AFG1L: variants seen among roughly 807,000 people sequenced by gnomAD.
AFG1L encodes AFG1 like ATPase, also known as AFG1-like ATPase.
Under a neutral mutation model 62.2 loss-of-function variants are expected in AFG1L, and 53 were observed. The observed-to-expected ratio is 0.85, with a 90% CI of 0.68 to 1.07. The LOEUF is 1.07. Among genes scored for constraint, AFG1L ranks in the 50% least tolerant of loss-of-function variants. The probability of loss-of-function intolerance (pLI) is 0.00; values close to 1 mark genes in which losing one functional copy is unlikely to be tolerated. For synonymous variants in AFG1L, 228 were observed against 210.3 expected (o/e 1.08, Z -0.73); for missense variants, 555 against 590.5 (o/e 0.94, Z 0.62).
chr6:108,426,727 A>G (rs954751601), intron 7 of AFG1L, among the ~76,000 whole-genome samples: 4 of 152,156 alleles, frequency 2.6e-5, no homozygotes, highest in Non-Finnish European at 5.9e-5. Context: ...GTAAATTTTC[A>G]TAAGAGTTAA....
intron 7 of AFG1L, among the ~76,000 whole-genome samples, chr6:108,415,758 A>G (rs1242973351): frequency 1.3e-5 from 2 of 152,358 alleles, no homozygotes; most frequent in Admixed American, 6.5e-5. Flanking sequence ...TACACCTTAT[A>G]CAACAATTAA....
intron 6 of AFG1L, among the ~76,000 whole-genome samples, chr6:108,397,215 C>G (rs1781352921): frequency 6.6e-6 from 1 of 152,048 alleles, no homozygotes; most frequent in South Asian, 2.1e-4. Flanking sequence ...GCAATCTCCA[C>G]CTTCTGGGTT....
At chr6:108,414,383 A>G (rs1782262047) in intron 7 of AFG1L, among the ~76,000 whole-genome samples, 1 of 152,212 alleles carries the variant, frequency 6.6e-6, no homozygotes, top group Non-Finnish European at 1.5e-5. Context: ...AACTATTCCA[A>G]TTAATAGAAA....
At chr6:108,313,793 G>T (rs1777495984) in intron 1 of AFG1L, among the ~76,000 whole-genome samples, 1 of 152,120 alleles carries the variant, frequency 6.6e-6, no homozygotes, top group Non-Finnish European at 1.5e-5. Flanking sequence ...GCCTGCTTCG[G>T]CCTCCCAAAT....
At chr6:108,351,556 T>G (rs1418713806) in intron 3 of AFG1L, among the ~76,000 whole-genome samples, 1 of 152,244 alleles carries the variant, frequency 6.6e-6, no homozygotes, top group Non-Finnish European at 1.5e-5. Flanking sequence ...TGCCTTTTAT[T>G]TCTTTTTGCT....
At chr6:108,361,127 AG>A in intron 5 of AFG1L, among the ~76,000 whole-genome samples, 1 of 152,330 alleles carries the variant, frequency 6.6e-6, no homozygotes, top group Non-Finnish European at 1.5e-5. Flanking sequence ...ACCCATGACC[AG>A]GGGGTCCCTC....
intron 6 of AFG1L, among the ~76,000 whole-genome samples, chr6:108,386,514 C>T (rs1220634002): frequency 6.6e-6 from 1 of 151,624 alleles, no homozygotes; most frequent in Non-Finnish European, 1.5e-5. Context: ...AATTTATCAC[C>T]AACAAACTTG....
At chr6:108,458,341 T>C (rs1004831357) in intron 8 of AFG1L, among the ~76,000 whole-genome samples, 5 of 152,150 alleles carry the variant, frequency 3.3e-5, no homozygotes, top group African/African-American at 9.7e-5. Context: ...TTTCATTCTT[T>C]TTTTCTTCCT....
intron 8 of AFG1L, among the ~76,000 whole-genome samples, chr6:108,452,428 A>G (rs1357157122): frequency 1.3e-5 from 2 of 152,046 alleles, no homozygotes; most frequent in African/African-American, 4.8e-5. Flanking sequence ...GCTGAGTCCT[A>G]TAGGTTCTTT....
At chr6:108,395,668 C>T (rs373333593) in intron 6 of AFG1L, among the ~76,000 whole-genome samples, 12 of 151,872 alleles carry the variant, frequency 7.9e-5, no homozygotes, top group African/African-American at 2.4e-4. Context: ...TCCTAAAGTG[C>T]TGGAATTTAC....
chr6:108,352,883 T>C (rs1272116292), intron 3 of AFG1L, among the ~76,000 whole-genome samples: 3 of 152,094 alleles, frequency 2.0e-5, no homozygotes, highest in Non-Finnish European at 4.4e-5. Flanking sequence ...TATTTTTTAT[T>C]TTAAAAAATA....
intron 7 of AFG1L, among the ~76,000 whole-genome samples, chr6:108,414,097 C>T (rs1397660002): frequency 6.6e-6 from 1 of 152,144 alleles, no homozygotes; most frequent in Non-Finnish European, 1.5e-5. Flanking sequence ...GACATCACCA[C>T]CGATCCCACA....
At chr6:108,486,818 C>G (rs1773591906) in intron 10 of AFG1L, among the ~76,000 whole-genome samples, 1 of 152,178 alleles carries the variant, frequency 6.6e-6, no homozygotes, top group African/African-American at 2.4e-5. Context: ...AATTCCTGTG[C>G]CTCAGCCTCC....
Position 108,297,649 on chromosome 6 carries a change from G to A in AFG1L, c.139+2431G>A, listed in dbSNP as rs571394037. ...GGAGTAGGATCACTTGAGCTCAGGA[G>A]TTTGAGACCAGCCTGGGCAACATGG... On this transcript the variant is annotated intron_variant, in intron 1 of 12. Transcript: ENST00000368977. 1.5e-3 allele frequency among the ~76,000 whole-genome samples: 230 copies of A among 151,736 alleles called. 2 individuals carry two copies. Among genetic ancestry groups the A allele is most frequent in the Admixed American group, 4.9e-3 (75 of 15,226 alleles).
chr6:108,524,710 G>A lies in AFG1L; in HGVS notation c.*2285G>A, dbSNP rs923581625. 1 of 152,238 alleles carries A rather than the reference G, an allele frequency of 6.6e-6. No individual in the cohort carries two copies. The highest frequency in any genetic ancestry group is 2.4e-5 in the African/African-American group (1 of 41,450). 9.4% of individuals were successfully genotyped at this position (152,238 alleles called of 1,614,324 possible). ...TGCAGTGGAAGAGGCTCTTTGAGCT[G>A]GGAGAAGGGTTTATGCAGAAAGTGG... On this transcript the variant is annotated 3_prime_UTR_variant, in exon 13 of 13. Transcript: ENST00000368977.
intron 7 of AFG1L, among the ~76,000 whole-genome samples, chr6:108,443,481 A>C (rs56121755): frequency 6.6e-6 from 1 of 152,230 alleles, no homozygotes; most frequent in Admixed American, 6.5e-5. Context: ...TGGAATATCA[A>C]CATCACATTG....
In AFG1L at chr6:108,525,536, A is replaced by T. The variant is rs1775290790; in HGVS notation, c.*3111A>T. 6.6e-6 allele frequency: 1 copy of T among 152,228 alleles called. No homozygotes were observed. Among genetic ancestry groups the T allele is most frequent in the Non-Finnish European group, 1.5e-5 (1 of 68,042 alleles). 9.4% of individuals were successfully genotyped at this position (152,228 alleles called of 1,614,324 possible). A position where few individuals can be genotyped will look rare whatever the true frequency, so the allele number is the denominator to read the frequency against. Reference sequence around the variant, plus strand: ...GAATATTGAAAAAAATTAAAATTTCACTTGTAAAATAAGTGGATGTGCTTA... The same window carrying T: ...GAATATTGAAAAAAATTAAAATTTCTCTTGTAAAATAAGTGGATGTGCTTA... On this transcript the variant is annotated 3_prime_UTR_variant, in exon 13 of 13. Transcript: ENST00000368977.
intron 10 of AFG1L, among the ~76,000 whole-genome samples, chr6:108,477,736 G>T (rs1402145942): frequency 6.6e-6 from 1 of 152,108 alleles, no homozygotes; most frequent in African/African-American, 2.4e-5. Flanking sequence ...GGACCTACTA[G>T]GGCCAGGGTC....
chr6:108,329,478 T>C lies in AFG1L; in HGVS notation c.363+5430T>C, dbSNP rs543164779. 3.3e-5 allele frequency among the ~76,000 whole-genome samples: 5 copies of C among 151,500 alleles called. No homozygotes were observed. In the South Asian group the frequency reaches 1.0e-3, roughly 32 times the overall value. On this transcript the variant is annotated intron_variant, in intron 2 of 12. Transcript: ENST00000368977. ...CACGCCTGGCTAATTTTTGCATTTT[T>C]AGTAGAGACGGGGTTTCACCATGTT...
Sources: allele counts gnomAD v4.1 joint callset (sites outside exome capture counted in the v4.1 genomes callset), GRCh38; gene constraint gnomAD v4.1.1; transcripts MANE v1.5; gene names NCBI Gene and HGNC (gene_info 2026-07-23, HGNC 2026-07-21).